GAB4: variants seen among roughly 807,000 people sequenced by gnomAD.
GAB4 encodes GRB2 associated binding protein family member 4.
A neutral mutation model predicts 51.3 loss-of-function variants in GAB4; 26 were observed. The ratio of observed to expected loss-of-function variants is 0.51; its 90% confidence interval spans 0.37 to 0.70. GAB4 has a LOEUF of 0.70. GAB4 is among the 30% of genes least tolerant of loss of function. GAB4 has a pLI of 0.00. For synonymous variants in GAB4, 329 were observed against 291.2 expected (o/e 1.13, Z -1.32); for missense variants, 759 against 734.6 (o/e 1.03, Z -0.38).
intron 5 of GAB4, chr22:16,967,480 C>G (rs1214722121): frequency 6.6e-6 from 1 of 152,312 alleles, no homozygotes; most frequent in Non-Finnish European, 1.5e-5. Context: ...GATGTCTTGG[C>G]CCTGGAAGGT....
At chr22:16,995,726 C>A (rs1476044877) in intron 1 of GAB4, among the ~76,000 whole-genome samples, 9 of 152,162 alleles carry the variant, frequency 5.9e-5, no homozygotes, top group African/African-American at 2.2e-4. Context: ...AGGAGCCTGT[C>A]AGAAGGAAAA....
Position 16,963,803 on chromosome 22 carries a change from G to A in GAB4, c.1503C>T (p.Ser501=), listed in dbSNP as rs755347977. ...GCGGGGCTGAACTGCTGGTGCCACC[G>A]GAAACAGGAAATGCAGATGCCGGGT... ...FPNPASAFPV[S]GGTSSSAPPR... The change falls in exon 9 of 10, where the codon TCC becomes TCT. Residue 501 remains serine, a synonymous_variant. Coordinates refer to ENST00000400588, the MANE Select transcript of GAB4 (RefSeq NM_001037814.1). 7.1e-5 allele frequency: 115 copies of A among 1,613,788 alleles called. No homozygotes were observed. Among genetic ancestry groups the A allele is most frequent in the South Asian group, 4.4e-4 (40 of 91,086 alleles).
chr22:16,999,000 G>A (rs540153702), intron 1 of GAB4, among the ~76,000 whole-genome samples: 14 of 152,268 alleles, frequency 9.2e-5, no homozygotes, highest in East Asian at 7.7e-4. Flanking sequence ...CAACTTGATC[G>A]TGGTGAATAA....
At position 17,008,210 on chromosome 22, in the gene GAB4, C is replaced by T. The variant is rs2123737620; in HGVS notation, c.-96G>A. The T allele has an allele frequency of 3.4e-6, 3 of 884,636 alleles. No homozygotes were observed. Among genetic ancestry groups the T allele is most frequent in the Non-Finnish European group, 5.2e-6 (3 of 574,762 alleles). The allele number at this position is 884,636 out of a possible 1,614,324, so 54.8% of individuals were successfully genotyped here. On this transcript the variant is annotated 5_prime_UTR_variant, in exon 1 of 10. Transcript: ENST00000400588. Reference sequence around the variant, plus strand: ...GACGGCTTGCGATACCCTGGGACTGCGGGGTAGAAAGCGCAGTTCTAGGGG... The same window carrying T: ...GACGGCTTGCGATACCCTGGGACTGTGGGGTAGAAAGCGCAGTTCTAGGGG...
chr22:16,999,415 A>C (rs1413909049), intron 1 of GAB4, among the ~76,000 whole-genome samples: 1 of 152,140 alleles, frequency 6.6e-6, no homozygotes, highest in African/African-American at 2.4e-5. Context: ...TAGATTTTCT[A>C]GTTTATTTGC....
chr22:16,973,152 A>G (rs545321217), intron 3 of GAB4, among the ~76,000 whole-genome samples: 60 of 152,222 alleles, frequency 3.9e-4, no homozygotes, highest in Non-Finnish European at 5.1e-4. Context: ...AAGCATAACC[A>G]ATCACCTGCA....
In GAB4 at chr22:16,963,716, C is replaced by T; in HGVS notation, c.1581+9G>A. The T allele has an allele frequency of 2.5e-6, 4 of 1,609,028 alleles. No homozygotes were observed. Among genetic ancestry groups the T allele is most frequent in the Non-Finnish European group, 3.4e-6 (4 of 1,176,786 alleles). On this transcript the variant is annotated intron_variant, in intron 9 of 9. Coordinates refer to ENST00000400588, the MANE Select transcript of GAB4 (RefSeq NM_001037814.1). ...GGGCTCTGCCCAACCCCAGCTCCAC[C>T]CCAGGCACCTTGCTCGGCTGGAAGT...
chr22:16,974,786 A>G, intron 3 of GAB4, among the ~76,000 whole-genome samples: 1 of 152,176 alleles, frequency 6.6e-6, no homozygotes, highest in East Asian at 1.9e-4. Flanking sequence ...AAGGTGGGTG[A>G]TTTCCGCATT....
rs1408450899 is a variant in GAB4 at position 17,008,067 on chromosome 22, G to C, written c.48C>G (p.Asp16Glu). The C allele has an allele frequency of 6.8e-6, 11 of 1,608,284 alleles. No individual in the cohort carries two copies. Among genetic ancestry groups the C allele is most frequent in the Non-Finnish European group, 7.6e-6 (9 of 1,177,590 alleles). ...ACGAAGACAAAGGCGCAAATGCCGG[G>C]TCAGGTGGGCACAGCTCCCGGGAGG... ...PSPSRELCPP[D>E]PAFAPLSSWP... The change falls in exon 1 of 10, where the codon GAC becomes GAG. Residue 16 changes from aspartate (D) to glutamate (E), a missense_variant. Physicochemically the swap from Asp to Glu is conservative, Grantham distance 45. This residue lies in a region of GAB4 where 83 missense variants were observed against 73.1 expected (regional missense o/e 1.14). Transcript: ENST00000400588.
intron 3 of GAB4, among the ~76,000 whole-genome samples, chr22:16,983,112 T>A (rs564419114): frequency 6.6e-6 from 1 of 152,330 alleles, no homozygotes; most frequent in South Asian, 2.1e-4. Flanking sequence ...ACATGTTCCA[T>A]ATGCTTCAAA....
chr22:16,964,782 T>C lies in GAB4; in HGVS notation c.1460A>G (p.Glu487Gly). ...ITNTDSEDSGERYLFPNPASA... is the reference protein window; with the variant it reads ...ITNTDSEDSGGRYLFPNPASA... ...AGGACTCACCGGGAAAAGATACCTC[T>C]CTCCACTGTCTTCTGAGTCTGTGTT... The change falls in exon 8 of 10, where the codon GAG becomes GGG. Residue 487 changes from glutamate to glycine, a missense_variant. Glu to Gly is a moderately conservative substitution (Grantham distance 98). Transcript: ENST00000400588. 1.2e-6 allele frequency: 2 copies of C among 1,613,292 alleles called. No homozygotes were observed. The highest frequency in any genetic ancestry group is 1.7e-6 in the Non-Finnish European group (2 of 1,179,316).
Position 16,966,298 on chromosome 22 carries a change from G to A in GAB4, c.1090C>T (p.Pro364Ser). 6.2e-7 allele frequency: 1 copy of A among 1,613,836 alleles called. No individual in the cohort carries two copies. The highest frequency in any genetic ancestry group is 8.5e-7 in the Non-Finnish European group (1 of 1,180,004). The stretch of plus-strand genomic sequence containing the variant: ...ACAGCCGGCAGGGTAGGGGAGCCTG[G>A]GTTCATGGGCACACAGCTGCCCTCA... ...ASEGSCVPMN[P>S]GSPTLPAVKQ... The change falls in exon 6 of 10, where the codon CCA becomes TCA. Residue 364 changes from proline to serine, a missense_variant. By Grantham distance (74) the Pro-to-Ser change is moderately conservative. This residue lies in a region of GAB4 where 588 missense variants were observed against 510.2 expected (regional missense o/e 1.15). Transcript: ENST00000400588.
chr22:16,982,218 T>G (rs564227125), intron 3 of GAB4, among the ~76,000 whole-genome samples: 1 of 152,108 alleles, frequency 6.6e-6, no homozygotes, highest in Non-Finnish European at 1.5e-5. Flanking sequence ...GGCATCCAAA[T>G]TGAAAAGGAA....
Position 16,962,753 on chromosome 22 carries a change from G to T in GAB4, c.1705C>A (p.Pro569Thr), listed in dbSNP as rs771673677. The T allele has an allele frequency of 1.2e-6, 2 of 1,612,464 alleles. No homozygotes were observed. Among genetic ancestry groups the T allele is most frequent in the South Asian group, 2.2e-5 (2 of 91,042 alleles). The change falls in exon 10 of 10, where the codon CCC becomes ACC. Residue 569 changes from proline to threonine, a missense_variant. Pro to Thr is a conservative substitution (Grantham distance 38). Around this residue, in one of 3 missense-constraint regions of GAB4, gnomAD observed 588 missense variants for 510.2 expected, o/e 1.15. Coordinates refer to ENST00000400588, the MANE Select transcript of GAB4 (RefSeq NM_001037814.1). Reference sequence around the variant, plus strand: ...CCGAGTCACAGCTTGGCGCCCCTGGGAGGCTCTGAGGACTGCCGCAGGCAC... The same window carrying T: ...CCGAGTCACAGCTTGGCGCCCCTGGTAGGCTCTGAGGACTGCCGCAGGCAC... ...QMCLRQSSEP[P>T]RGAKL
chr22:16,970,859 T>C (rs1478383371), intron 3 of GAB4, among the ~76,000 whole-genome samples: 1 of 152,050 alleles, frequency 6.6e-6, no homozygotes, highest in Non-Finnish European at 1.5e-5. Flanking sequence ...CCTAAACATC[T>C]ATAGAAAAAA....
chr22:17,007,244 A>G (rs1389836060), intron 1 of GAB4, among the ~76,000 whole-genome samples: 4 of 152,236 alleles, frequency 2.6e-5, no homozygotes, highest in Admixed American at 1.3e-4. Context: ...GAAATTTAGA[A>G]CAACACTCTT....
intron 5 of GAB4, chr22:16,967,477 TG>T (rs1402419203): frequency 6.6e-6 from 1 of 152,326 alleles, no homozygotes; most frequent in Non-Finnish European, 1.5e-5. Context: ...TCAGATGTCT[TG>T]GCCCTGGAAG....
intron 3 of GAB4, among the ~76,000 whole-genome samples, chr22:16,980,212 A>G (rs1047190790): frequency 4.6e-5 from 7 of 152,230 alleles, no homozygotes; most frequent in Non-Finnish European, 8.8e-5. Flanking sequence ...CTATCATCAG[A>G]GTGAACAGGC....
intron 5 of GAB4, 35 bp from the exon 6 acceptor site, chr22:16,966,399 AC>A (rs747612818): frequency 1.3e-6 from 2 of 1,588,522 alleles, no homozygotes; most frequent in Admixed American, 1.7e-5. Context: ...CACAGCTATC[AC>A]CAGCAAGAAC....
Sources: allele counts gnomAD v4.1 joint callset (sites outside exome capture counted in the v4.1 genomes callset), GRCh38; gene constraint gnomAD v4.1.1; regional missense constraint gnomAD v4.1.1; transcripts MANE v1.5; gene names NCBI Gene and HGNC (gene_info 2026-07-23, HGNC 2026-07-21).